The following CYRIB variants were observed in gnomAD, a reference collection of about 807,000 sequenced individuals.
CYRIB encodes the protein CYFIP-related Rac1 interactor B.
Under a neutral mutation model 44.2 loss-of-function variants are expected in CYRIB, and 8 were observed. That is an observed-to-expected ratio of 0.18 (90% CI 0.11 to 0.33). The LOEUF is 0.33. Ranked by LOEUF, CYRIB falls within the 10% of genes least tolerant of loss-of-function variation. The pLI is 1.00. For missense variants in CYRIB, 185 were observed against 382.8 expected (o/e 0.48, Z 4.31); for synonymous variants, 131 against 127.2 (o/e 1.03, Z -0.20).
intron 1 of CYRIB, among the ~76,000 whole-genome samples, chr8:129,989,464 A>G (rs1227177510): frequency 6.6e-6 from 1 of 152,106 alleles, no homozygotes; most frequent in Non-Finnish European, 1.5e-5. Context: ...TTTGGCAAGC[A>G]CCTAAATCAA....
chr8:129,930,043 T>C (rs1405571416), intron 1 of CYRIB, among the ~76,000 whole-genome samples: 1 of 151,856 alleles, frequency 6.6e-6, no homozygotes, highest in Non-Finnish European at 1.5e-5. Context: ...AAACCCCATC[T>C]CTACTAAAAA....
At chr8:129,916,145 C>A (rs1024132324) in intron 1 of CYRIB, among the ~76,000 whole-genome samples, 4 of 152,144 alleles carry the variant, frequency 2.6e-5, no homozygotes, top group African/African-American at 7.2e-5. Flanking sequence ...ATTCTACTTT[C>A]TTCTGAAATG....
chr8:129,950,171 T>C (rs2094430365), intron 2 of CYRIB, among the ~76,000 whole-genome samples: 1 of 152,256 alleles, frequency 6.6e-6, no homozygotes, highest in Non-Finnish European at 1.5e-5. Flanking sequence ...TGACAATTGC[T>C]GTTTTAATAT....
chr8:129,899,858 G>A (rs1171057893), intron 2 of CYRIB, among the ~76,000 whole-genome samples: 1 of 152,212 alleles, frequency 6.6e-6, no homozygotes, highest in Non-Finnish European at 1.5e-5. Flanking sequence ...TTTTGTGTAA[G>A]GTGGTGATGG....
At chr8:129,879,571 G>C (rs2060195398) in intron 2 of CYRIB, 100 bp from the exon 5 acceptor site, 1 of 866,764 alleles carries the variant, frequency 1.2e-6, no homozygotes, top group Non-Finnish European at 1.8e-6. Flanking sequence ...ATGTTCATTA[G>C]GCCATGAATT....
intron 1 of CYRIB, among the ~76,000 whole-genome samples, chr8:129,906,404 G>C (rs2075397700): frequency 6.6e-6 from 1 of 152,216 alleles, no homozygotes. Flanking sequence ...GCCATATGTA[G>C]AAAGCTGAAA....
chr8:129,990,890 G>A (rs2096615224), intron 1 of CYRIB, among the ~76,000 whole-genome samples: 1 of 152,054 alleles, frequency 6.6e-6, no homozygotes, highest in African/African-American at 2.4e-5. Flanking sequence ...TAGCACTTTT[G>A]AGGGCCAAGG....
chr8:129,997,167 A>G (rs2133700644), intron 1 of CYRIB, among the ~76,000 whole-genome samples: 1 of 147,428 alleles, frequency 6.8e-6, no homozygotes, highest in South Asian at 2.2e-4. Context: ...GGGAATACCA[A>G]GTGATCTATT....
At chr8:129,903,125 T>A (rs994661517) in intron 2 of CYRIB, 187 bp downstream of exon 4, 3 of 152,600 alleles carry the variant, frequency 2.0e-5, no homozygotes, top group Non-Finnish European at 2.9e-5. Flanking sequence ...TTAATTTACA[T>A]TTTCCCCACC....
intron 7 of CYRIB, among the ~76,000 whole-genome samples, chr8:129,853,153 C>T (rs1180027344): frequency 6.6e-6 from 1 of 152,072 alleles, no homozygotes; most frequent in East Asian, 1.9e-4. Context: ...TTGGATTTTA[C>T]CTGTAATTAT....
intron 1 of CYRIB, among the ~76,000 whole-genome samples, chr8:129,980,243 A>G (rs975170693): frequency 3.3e-5 from 5 of 151,358 alleles, no homozygotes; most frequent in African/African-American, 7.3e-5. Flanking sequence ...AAAAAAAAAA[A>G]AAAGAAAAGA....
intron 1 of CYRIB, among the ~76,000 whole-genome samples, chr8:130,012,956 C>T (rs551211144): frequency 6.6e-6 from 1 of 152,232 alleles, no homozygotes; most frequent in South Asian, 2.1e-4. Flanking sequence ...ACAAGGCGTC[C>T]GTCTTCAACA....
At chr8:130,004,606 T>C (rs927238953) in intron 1 of CYRIB, 1 of 152,058 alleles carries the variant, frequency 6.6e-6, no homozygotes, top group African/African-American at 2.4e-5. Flanking sequence ...GTACTCTTTT[T>C]TCTATTTTTT....
At chr8:130,011,213 C>T (rs911242471) in intron 1 of CYRIB, among the ~76,000 whole-genome samples, 2 of 152,102 alleles carry the variant, frequency 1.3e-5, no homozygotes, top group African/African-American at 4.8e-5. Context: ...CAAGGAAGCC[C>T]AGGAAGCTTT....
chr8:129,939,444 G>C (rs1411580696), intron 1 of CYRIB, among the ~76,000 whole-genome samples: 2 of 151,850 alleles, frequency 1.3e-5, no homozygotes, highest in South Asian at 2.1e-4. Flanking sequence ...AAGCGGGCCC[G>C]GGGCGTCGCG....
intron 10 of CYRIB, among the ~76,000 whole-genome samples, chr8:129,847,936 G>T (rs562908841): frequency 2.0e-5 from 3 of 152,000 alleles, no homozygotes; most frequent in Non-Finnish European, 4.4e-5. Flanking sequence ...CGAGTAGCTG[G>T]GACTACAGAT....
chr8:129,870,879 A>C (rs1030519057), intron 4 of CYRIB, among the ~76,000 whole-genome samples: 1 of 152,244 alleles, frequency 6.6e-6, no homozygotes, highest in African/African-American at 2.4e-5. Context: ...GTTTCAGAAC[A>C]GGATGAAGAA....
chr8:129,854,391 T>C (rs1260769449), intron 6 of CYRIB, 48 bp from the exon 9 acceptor site: 1 of 1,376,212 alleles, frequency 7.3e-7, no homozygotes, highest in Non-Finnish European at 1.0e-6. Context: ...TAAATGCTAA[T>C]GTAAAAAAAC....
At chr8:129,909,124 C>T (rs1253487321) in intron 1 of CYRIB, among the ~76,000 whole-genome samples, 2 of 152,018 alleles carry the variant, frequency 1.3e-5, no homozygotes, top group African/African-American at 2.4e-5. Context: ...TAAACCCATG[C>T]TCCAGAAGAT....
Sources: gnomAD v4.1 joint callset for allele counts (sites outside exome capture counted in the v4.1 genomes callset) on GRCh38, gnomAD v4.1.1 for gene constraint, MANE v1.5 for transcripts, NCBI Gene and HGNC (gene_info 2026-07-23, HGNC 2026-07-21) for gene names.